RIC8B: variants seen among roughly 807,000 people sequenced by gnomAD.
RIC8B encodes RIC8 guanine nucleotide exchange factor B, also known as chaperone Ric-8B.
In RIC8B, 16 loss-of-function variants were observed where a neutral mutation model predicts 57.5. That is an observed-to-expected ratio of 0.28 (90% CI 0.19 to 0.42). RIC8B has a LOEUF of 0.42. Among genes scored for constraint, RIC8B ranks in the 10% least tolerant of loss-of-function variants. The probability of loss-of-function intolerance (pLI) is 1.00; values close to 1 mark genes in which losing one functional copy is unlikely to be tolerated. For synonymous variants in RIC8B, 216 were observed against 250.8 expected (o/e 0.86, Z 1.31); for missense variants, 481 against 677.0 (o/e 0.71, Z 3.21).
intron 2 of RIC8B, among the ~76,000 whole-genome samples, chr12:106,793,103 C>T (rs2044329216): frequency 6.6e-6 from 1 of 152,160 alleles, no homozygotes; most frequent in Non-Finnish European, 1.5e-5. Context: ...GCAGCTGTAC[C>T]TTGGATGTGA....
chr12:106,843,130 AT>A (rs1949030369), intron 5 of RIC8B, among the ~76,000 whole-genome samples: 3 of 152,220 alleles, frequency 2.0e-5, no homozygotes, highest in African/African-American at 7.2e-5. Flanking sequence ...GAAATAAAAA[AT>A]ATCCCCCCAA....
At chr12:106,821,259 A>T (rs984770823) in intron 3 of RIC8B, among the ~76,000 whole-genome samples, 8 of 152,240 alleles carry the variant, frequency 5.3e-5, no homozygotes, top group African/African-American at 1.9e-4. Flanking sequence ...AGCTTTGTTA[A>T]GACTTCTTAA....
chr12:106,861,977 G>A (rs1176438748), intron 8 of RIC8B, among the ~76,000 whole-genome samples: 12 of 152,044 alleles, frequency 7.9e-5, no homozygotes, highest in Admixed American at 2.0e-4. Context: ...GGTCATATAT[G>A]TAGCAAGCGC....
At chr12:106,829,239 CTATGTGCCTGAAAG>C (rs749568971) in intron 4 of RIC8B, among the ~76,000 whole-genome samples, 29 of 152,196 alleles carry the variant, frequency 1.9e-4, no homozygotes, top group Non-Finnish European at 4.0e-4. Flanking sequence ...CTGTTCATTT[CTATGTGCCTGAAAG>C]TATTTTCAGC....
chr12:106,877,304 T>C (rs1593398995), intron 9 of RIC8B, among the ~76,000 whole-genome samples: 1 of 152,154 alleles, frequency 6.6e-6, no homozygotes, highest in Non-Finnish European at 1.5e-5. Flanking sequence ...TTTTCAGTCT[T>C]GAGACTCCAG....
At chr12:106,827,999 T>C (rs1157604084) in intron 4 of RIC8B, among the ~76,000 whole-genome samples, 1 of 152,248 alleles carries the variant, frequency 6.6e-6, no homozygotes, top group Non-Finnish European at 1.5e-5. Context: ...CCAGTATTTG[T>C]TGAAAGAGAG....
chr12:106,853,537 C>T (rs527361494), intron 7 of RIC8B, among the ~76,000 whole-genome samples: 51 of 126,928 alleles, frequency 4.0e-4, no homozygotes, highest in African/African-American at 1.0e-3. Context: ...GGTGCAATCT[C>T]GGCTCACTGC....
At chr12:106,797,254 C>T (rs534253980) in intron 2 of RIC8B, among the ~76,000 whole-genome samples, 8 of 152,212 alleles carry the variant, frequency 5.3e-5, no homozygotes, top group African/African-American at 1.7e-4. Context: ...GTAAACATGC[C>T]CATCACCTGG....
intron 6 of RIC8B, among the ~76,000 whole-genome samples, chr12:106,846,475 T>G (rs151031054): frequency 6.6e-6 from 1 of 152,172 alleles, no homozygotes; most frequent in South Asian, 2.1e-4. Context: ...GAGACCATCT[T>G]TGAGGAATTT....
chr12:106,843,749 C>A, intron 5 of RIC8B, 103 bp from the exon 6 acceptor site: 1 of 746,270 alleles, frequency 1.3e-6, no homozygotes, highest in Non-Finnish European at 2.1e-6. Flanking sequence ...AAAAAAGTCC[C>A]CACCTCAAAA....
At chr12:106,853,848 A>AT (rs1292323100) in intron 7 of RIC8B, among the ~76,000 whole-genome samples, 1 of 152,188 alleles carries the variant, frequency 6.6e-6, no homozygotes, top group Non-Finnish European at 1.5e-5. Flanking sequence ...TGTTCAACAA[A>AT]TGTTTTTGAA....
In RIC8B at chr12:106,842,716, G is replaced by A. The variant is rs1424093947; in HGVS notation, c.964G>A (p.Glu322Lys). 1.2e-6 allele frequency: 2 copies of A among 1,613,792 alleles called. No homozygotes were observed. The highest frequency in any genetic ancestry group is 1.3e-5 in the African/African-American group (1 of 74,902). Residue 322 changes from glutamate (E) to lysine (K), a missense_variant, in exon 5 of 10, where the codon GAG becomes AAG. By Grantham distance (56) the Glu-to-Lys change is moderately conservative. Coordinates refer to ENST00000392837, the MANE Select transcript of RIC8B (RefSeq NM_001330145.2). ...LDELPSNKTA[E>K]KETVLKNNTM... Reference sequence around the variant, plus strand: ...TGAACTGCCCAGTAATAAAACAGCTGAGAAAGAAACAGTTTTGAAAAACAA... The same window carrying A: ...TGAACTGCCCAGTAATAAAACAGCTAAGAAAGAAACAGTTTTGAAAAACAA...
intron 4 of RIC8B, among the ~76,000 whole-genome samples, chr12:106,835,264 A>G (rs1486325655): frequency 6.6e-6 from 1 of 152,154 alleles, no homozygotes; most frequent in East Asian, 1.9e-4. Flanking sequence ...TCATACATAC[A>G]TAAATAGACC....
At chr12:106,786,975 A>G (rs2044058929) in intron 2 of RIC8B, among the ~76,000 whole-genome samples, 2 of 152,230 alleles carry the variant, frequency 1.3e-5, no homozygotes, top group African/African-American at 4.8e-5. Flanking sequence ...ACTGGTAAAT[A>G]CAAGCATATT....
At chr12:106,791,914 A>G (rs1051847984) in intron 2 of RIC8B, among the ~76,000 whole-genome samples, 1 of 152,202 alleles carries the variant, frequency 6.6e-6, no homozygotes, top group African/African-American at 2.4e-5. Context: ...TTGTTCTAAA[A>G]GCCCTTTGTC....
At chr12:106,796,175 GAC>G (rs1475540151) in intron 2 of RIC8B, among the ~76,000 whole-genome samples, 2 of 152,086 alleles carry the variant, frequency 1.3e-5, no homozygotes, top group Non-Finnish European at 2.9e-5. Context: ...ATGAATTTTT[GAC>G]ACAGAGTAGT....
chr12:106,830,050 G>A (rs2046290871), intron 4 of RIC8B, among the ~76,000 whole-genome samples: 1 of 152,130 alleles, frequency 6.6e-6, no homozygotes, highest in Admixed American at 6.5e-5. Context: ...TATGGCTTCA[G>A]GCCAGTAACA....
intron 3 of RIC8B, chr12:106,822,159 A>C (rs1201076622): frequency 6.6e-6 from 1 of 152,130 alleles, no homozygotes; most frequent in Non-Finnish European, 1.5e-5. Flanking sequence ...AGAGATATCC[A>C]AATGAGTAAT....
intron 1 of RIC8B, among the ~76,000 whole-genome samples, chr12:106,777,054 G>T (rs999611500): frequency 1.3e-5 from 2 of 152,122 alleles, no homozygotes; most frequent in Admixed American, 6.5e-5. Context: ...GTAGAGATGG[G>T]GTCTCACTGT....
Sources: gnomAD v4.1 joint callset for allele counts (sites outside exome capture counted in the v4.1 genomes callset) on GRCh38, gnomAD v4.1.1 for gene constraint, MANE v1.5 for transcripts, NCBI Gene and HGNC (gene_info 2026-07-23, HGNC 2026-07-21) for gene names.